The following MIGA1 variants were observed in gnomAD, a reference collection of about 807,000 sequenced individuals.
The protein encoded by MIGA1 is mitoguardin 1.
In MIGA1, 58 loss-of-function variants were observed where a neutral mutation model predicts 82.0. The observed-to-expected ratio is 0.71, with a 90% confidence interval of 0.57 to 0.88. The LOEUF is 0.88. MIGA1 is among the 40% of genes least tolerant of loss of function. MIGA1 has a pLI of 0.00. For synonymous variants in MIGA1, 249 were observed against 253.6 expected (o/e 0.98, Z 0.17); for missense variants, 751 against 749.1 (o/e 1.00, Z -0.03).
intron 2 of MIGA1, among the ~76,000 whole-genome samples, chr1:77,794,601 A>G (rs754283478): frequency 9.2e-5 from 14 of 152,152 alleles, no homozygotes; most frequent in Non-Finnish European, 1.9e-4. Context: ...CTGGTCAGGC[A>G]TGGTGTCTCA....
intron 5 of MIGA1, among the ~76,000 whole-genome samples, chr1:77,807,658 A>G: frequency 6.6e-6 from 1 of 152,206 alleles, no homozygotes; most frequent in East Asian, 1.9e-4. Context: ...ATATGTCAGT[A>G]GAGCCATGGT....
chr1:77,811,473 T>C (rs919642347), intron 5 of MIGA1: 22 of 1,533,806 alleles, frequency 1.4e-5, no homozygotes, highest in Non-Finnish European at 1.9e-5. Context: ...CTTTATTATA[T>C]GTAAGAATAT....
chr1:77,858,055 G>A (rs1188229806), intron 8 of MIGA1, among the ~76,000 whole-genome samples: 1 of 152,026 alleles, frequency 6.6e-6, no homozygotes, highest in Non-Finnish European at 1.5e-5. Context: ...TGAACTATAA[G>A]ATACAGTATT....
chr1:77,811,503 C>T, intron 5 of MIGA1: 1 of 1,565,316 alleles, frequency 6.4e-7, no homozygotes. Context: ...TTGGTTCTAG[C>T]TTCTTCAGGT....
intron 4 of MIGA1, among the ~76,000 whole-genome samples, chr1:77,805,842 T>C (rs1440260545): frequency 1.3e-5 from 2 of 152,200 alleles, no homozygotes; most frequent in African/African-American, 4.8e-5. Context: ...TGTTCTATAA[T>C]GTGAACTTCC....
rs770753527 is a variant in MIGA1, at chr1:77,807,092, T to C, written c.628T>C (p.Tyr210His). The C allele has an allele frequency of 3.2e-6, 5 of 1,584,376 alleles. No homozygotes were observed. Among genetic ancestry groups the C allele is most frequent in the South Asian group, 1.1e-5 (1 of 88,508 alleles). Reference sequence around the variant, plus strand: ...TCCTGTGACTACTCCAGAGAACTTATACTTAATGGGTAGGAATGAGATGAT... The same window carrying C: ...TCCTGTGACTACTCCAGAGAACTTACACTTAATGGGTAGGAATGAGATGAT... Residue 210 changes from tyrosine to histidine, a missense_variant, in exon 5 of 16, where the codon TAC becomes CAC. Transcript: ENST00000370791.
chr1:77,833,712 G>C (rs1282671379), intron 7 of MIGA1, among the ~76,000 whole-genome samples: 2 of 152,208 alleles, frequency 1.3e-5, no homozygotes, highest in Non-Finnish European at 2.9e-5. Context: ...GGGGACCTTT[G>C]TGTAACATAC....
intron 1 of MIGA1, among the ~76,000 whole-genome samples, chr1:77,781,502 A>G (rs1681913659): frequency 2.0e-5 from 3 of 152,218 alleles, no homozygotes; most frequent in Admixed American, 2.0e-4. Context: ...TAATACATGT[A>G]GGCAGGTTTT....
chr1:77,870,955 G>C (rs1685957884), intron 14 of MIGA1, among the ~76,000 whole-genome samples: 3 of 151,218 alleles, frequency 2.0e-5, no homozygotes, highest in Admixed American at 1.3e-4. Flanking sequence ...GCGTGGCGGT[G>C]CGCGCCTGCA....
chr1:77,791,829 G>T (rs1682441539), intron 2 of MIGA1, among the ~76,000 whole-genome samples: 1 of 152,018 alleles, frequency 6.6e-6, no homozygotes, highest in Non-Finnish European at 1.5e-5. Flanking sequence ...CTCCCAAAGT[G>T]GTGGGATTAC....
At chr1:77,784,441 G>A (rs2101682152) in intron 2 of MIGA1, among the ~76,000 whole-genome samples, 1 of 152,224 alleles carries the variant, frequency 6.6e-6, no homozygotes, top group East Asian at 1.9e-4. Flanking sequence ...GACCAGGCTG[G>A]TCTTGAACTC....
chr1:77,839,766 G>A (rs534129397), intron 7 of MIGA1, among the ~76,000 whole-genome samples: 10 of 151,586 alleles, frequency 6.6e-5, no homozygotes, highest in East Asian at 3.9e-4. Context: ...GTTTTGAGAC[G>A]GACCCTTGCT....
chr1:77,827,599 T>C (rs545098350), intron 7 of MIGA1, among the ~76,000 whole-genome samples: 171 of 152,310 alleles, frequency 1.1e-3, no homozygotes, highest in African/African-American at 3.9e-3. Flanking sequence ...GCCAACACTT[T>C]GTCCAGCTCA....
intron 7 of MIGA1, among the ~76,000 whole-genome samples, chr1:77,837,905 C>A (rs529443517): frequency 9.2e-5 from 14 of 152,202 alleles, no homozygotes; most frequent in Non-Finnish European, 1.9e-4. Flanking sequence ...ATTTAACACT[C>A]ATCAAGTCTT....
intron 14 of MIGA1, chr1:77,868,494 T>G (rs1027886578): frequency 1.3e-5 from 2 of 152,300 alleles, no homozygotes; most frequent in African/African-American, 4.8e-5. Context: ...CCCAAAGTGC[T>G]GGGATTTCAG....
intron 7 of MIGA1, among the ~76,000 whole-genome samples, chr1:77,819,456 G>A (rs1040483843): frequency 1.3e-5 from 2 of 151,916 alleles, no homozygotes; most frequent in East Asian, 1.9e-4. Flanking sequence ...GCTAGTTTTT[G>A]TATTTTTAGT....
chr1:77,813,873 G>C lies in MIGA1; in HGVS notation c.771+6G>C, dbSNP rs746959330. ...TTGCTGAAGAAAATGTAGATGTAAG[G>C]GTGATTGATTTGAGTGGTCTTCATA... On this transcript the variant is annotated splice_donor_region_variant and intron_variant, in intron 6 of 15. Transcript: ENST00000370791. The C allele has an allele frequency of 1.9e-6, 3 of 1,613,308 alleles. No homozygotes were observed. Among genetic ancestry groups the C allele is most frequent in the Non-Finnish European group, 2.5e-6 (3 of 1,179,818 alleles).
Position 77,861,208 on chromosome 1 carries a change from G to GTGT in MIGA1, c.1276-14_1276-12dup. 1 of 1,509,076 alleles carries GTGT rather than the reference G, an allele frequency of 6.6e-7. No individual in the cohort carries two copies. Among genetic ancestry groups the GTGT allele is most frequent in the East Asian group, 2.3e-5 (1 of 44,282 alleles). The allele number at this position is 1,509,076 out of a possible 1,614,324, so 93.5% of individuals were successfully genotyped here. On this transcript the variant is annotated splice_polypyrimidine_tract_variant and intron_variant, in intron 11 of 15. Transcript: ENST00000370791. ...ATAAAGTTGAGTTTAGGGTTAAAAT[G>GTGT]TGTTTTCTTCTTCAGAATCCAAAGA...
intron 4 of MIGA1, among the ~76,000 whole-genome samples, chr1:77,805,144 G>A (rs781210755): frequency 1.5e-4 from 23 of 151,494 alleles, no homozygotes; most frequent in African/African-American, 3.1e-4. Flanking sequence ...ACAGGCACCC[G>A]CCACCACGCC....
Sources: gnomAD v4.1 joint callset for allele counts (sites outside exome capture counted in the v4.1 genomes callset) on GRCh38, gnomAD v4.1.1 for gene constraint, MANE v1.5 for transcripts, NCBI Gene and HGNC (gene_info 2026-07-23, HGNC 2026-07-21) for gene names.